Variants in ZNF420 observed in about 807,000 individuals in gnomAD.
ZNF420 encodes zinc finger protein 420, also known as ATM and p53-associated KZNF protein.
A neutral mutation model predicts 44.7 loss-of-function variants in ZNF420; 31 were observed. The ratio of observed to expected loss-of-function variants is 0.69; its 90% CI spans 0.52 to 0.94. The LOEUF (loss-of-function observed/expected upper bound fraction) is 0.94. Among genes scored for constraint, ZNF420 ranks in the 40% least tolerant of loss-of-function variants. ZNF420 has a pLI of 0.00. For synonymous variants in ZNF420, 245 were observed against 267.4 expected (o/e 0.92, Z 0.82); for missense variants, 681 against 827.9 (o/e 0.82, Z 2.18).
At chr19:37,073,317 C>A (rs1599633308) in intron 1 of ZNF420, among the ~76,000 whole-genome samples, 1 of 152,202 alleles carries the variant, frequency 6.6e-6, no homozygotes, top group East Asian at 1.9e-4. Flanking sequence ...ATTCTGCTCC[C>A]TGTGTACTAT....
intron 1 of ZNF420, among the ~76,000 whole-genome samples, chr19:37,020,090 G>A (rs2074636565): frequency 2.0e-5 from 3 of 151,856 alleles, no homozygotes; most frequent in South Asian, 2.1e-4. Flanking sequence ...AGTGGCGGGC[G>A]CCTGTAGTCC....
intron 4 of ZNF420, among the ~76,000 whole-genome samples, chr19:37,099,328 C>G (rs1371671847): frequency 6.6e-6 from 1 of 152,070 alleles, no homozygotes; most frequent in Non-Finnish European, 1.5e-5. Context: ...CCTTTTTCCA[C>G]ATTTTTACCA....
At chr19:37,107,757 G>A (rs1297887208) in intron 4 of ZNF420, 1 of 152,428 alleles carries the variant, frequency 6.6e-6, no homozygotes, top group South Asian at 2.1e-4. Flanking sequence ...TAGAACTTCC[G>A]ATGGTCTTAA....
chr19:37,085,357 G>T (rs1417771476), intron 2 of ZNF420, among the ~76,000 whole-genome samples: 2 of 152,168 alleles, frequency 1.3e-5, no homozygotes, highest in African/African-American at 4.8e-5. Context: ...CCCAGCATCT[G>T]GTTTATTTTG....
At chr19:37,091,435 TC>T (rs1405569232) in intron 4 of ZNF420, 1 of 172,344 alleles carries the variant, frequency 5.8e-6, no homozygotes, top group African/African-American at 2.4e-5. Context: ...CTAAAGGAGC[TC>T]TAAATAATTC....
intron 4 of ZNF420, among the ~76,000 whole-genome samples, chr19:37,101,944 G>C (rs556006663): frequency 6.6e-6 from 1 of 152,324 alleles, no homozygotes; most frequent in African/African-American, 2.4e-5. Context: ...GCTTAGACAG[G>C]TGTACATCTC....
intron 4 of ZNF420, among the ~76,000 whole-genome samples, chr19:37,120,536 T>C (rs1184642863): frequency 6.6e-6 from 1 of 152,154 alleles, no homozygotes; most frequent in African/African-American, 2.4e-5. Flanking sequence ...GGGCAAAAAC[T>C]GGAAGCACTC....
At chr19:37,115,712 C>G (rs61448820) in intron 4 of ZNF420, among the ~76,000 whole-genome samples, 6,753 of 151,912 alleles carry the variant, frequency 0.044, 209 homozygotes, top group East Asian at 0.078. Flanking sequence ...AGAGGCCTTC[C>G]TCTTTTACTA....
chr19:37,048,892 G>A (rs1352309326), intron 1 of ZNF420, among the ~76,000 whole-genome samples: 1 of 108,738 alleles, frequency 9.2e-6, no homozygotes. Context: ...ACAGGCCCCA[G>A]TGTGTGATGT....
At chr19:37,107,847 C>CT (rs34724131) in intron 4 of ZNF420, among the ~76,000 whole-genome samples, 83,107 of 151,690 alleles carry the variant, frequency 0.55, 23,972 homozygotes, top group African/African-American at 0.71. Context: ...ATTTAATGGG[C>CT]TTTGATCCTT....
At chr19:37,111,338 A>G (rs953027585) in intron 4 of ZNF420, among the ~76,000 whole-genome samples, 10 of 152,258 alleles carry the variant, frequency 6.6e-5, no homozygotes, top group Non-Finnish European at 1.5e-4. Flanking sequence ...CAAATTTGAC[A>G]TGGCATAAGT....
At chr19:37,092,023 G>T (rs1420409215) in intron 4 of ZNF420, 4 of 151,872 alleles carry the variant, frequency 2.6e-5, no homozygotes, top group African/African-American at 9.7e-5. Context: ...ACCTGTGATT[G>T]TCTAAGAAAC....
At chr19:37,010,363 GC>G (rs1182104269) in intron 1 of ZNF420, among the ~76,000 whole-genome samples, 2 of 152,192 alleles carry the variant, frequency 1.3e-5, no homozygotes, top group East Asian at 1.9e-4. Flanking sequence ...CAAAAGTCAT[GC>G]CCCCCGTGAT....
At chr19:37,123,080 C>CA (rs1315535225) in intron 4 of ZNF420, among the ~76,000 whole-genome samples, 4 of 152,212 alleles carry the variant, frequency 2.6e-5, no homozygotes, top group African/African-American at 4.8e-5. Context: ...CTTCTCTTTT[C>CA]ATGTTACATG....
intron 4 of ZNF420, among the ~76,000 whole-genome samples, chr19:37,114,424 ACT>A (rs34370842): frequency 0.47 from 71,006 of 151,606 alleles, 17,013 homozygotes; most frequent in Middle Eastern, 0.53. Flanking sequence ...CGTGACAGAG[ACT>A]CTATCTTTCC....
chr19:37,085,522 G>A (rs527624469), intron 2 of ZNF420, among the ~76,000 whole-genome samples: 2 of 152,268 alleles, frequency 1.3e-5, no homozygotes, highest in East Asian at 3.9e-4. Context: ...GTGCATTACA[G>A]TCTCTAAAGG....
intron 4 of ZNF420, among the ~76,000 whole-genome samples, chr19:37,108,669 T>C (rs1377420543): frequency 2.6e-5 from 4 of 152,160 alleles, no homozygotes; most frequent in Admixed American, 6.5e-5. Context: ...ACAGGACTTA[T>C]TATTTTTGGT....
chr19:37,077,868 T>C (rs1431212161), upstream of ZNF420, among the ~76,000 whole-genome samples: 1 of 151,980 alleles, frequency 6.6e-6, no homozygotes, highest in East Asian at 1.9e-4. Context: ...AGTTATAAAA[T>C]CCCATTACTA....
At chr19:37,121,119 AACT>A (rs1252676111) in intron 4 of ZNF420, among the ~76,000 whole-genome samples, 8 of 147,706 alleles carry the variant, frequency 5.4e-5, no homozygotes, top group African/African-American at 2.0e-4. Context: ...AATTGGAAAA[AACT>A]ACTTTAAAGT....
Sources: allele counts gnomAD v4.1 joint callset (sites outside exome capture counted in the v4.1 genomes callset), GRCh38; gene constraint gnomAD v4.1.1; transcripts MANE v1.5; gene names NCBI Gene and HGNC (gene_info 2026-07-23, HGNC 2026-07-21).